E2F3: variants seen among roughly 807,000 people sequenced by gnomAD.
The protein encoded by E2F3 is transcription factor E2F3.
In E2F3, 11 loss-of-function variants were observed where a neutral mutation model predicts 44.4. The ratio of observed to expected loss-of-function variants is 0.25; its 90% CI spans 0.16 to 0.41. E2F3 has a LOEUF of 0.41. Ranked by LOEUF, E2F3 falls within the 10% of genes least tolerant of loss-of-function variation. E2F3 has a pLI of 1.00. For synonymous variants in E2F3, 249 were observed against 253.0 expected (o/e 0.98, Z 0.15); for missense variants, 487 against 583.6 (o/e 0.83, Z 1.70).
chr6:20,429,552 C>T (rs1324162021), intron 1 of E2F3, among the ~76,000 whole-genome samples: 2 of 152,070 alleles, frequency 1.3e-5, no homozygotes, highest in East Asian at 3.9e-4. Context: ...AATGTATCCT[C>T]GGAGGATGAG....
chr6:20,460,938 G>A (rs1761481450), intron 1 of E2F3, among the ~76,000 whole-genome samples: 1 of 125,090 alleles, frequency 8.0e-6, no homozygotes. Context: ...GGAAGTTCCA[G>A]TGAGCCGAGA....
At chr6:20,480,789 T>A (rs1443807106) in intron 2 of E2F3, among the ~76,000 whole-genome samples, 1 of 152,194 alleles carries the variant, frequency 6.6e-6, no homozygotes, top group Non-Finnish European at 1.5e-5. Context: ...TTTAAGACCT[T>A]GTCCTGCAGT....
chr6:20,413,485 C>T (rs1261640311), intron 1 of E2F3, among the ~76,000 whole-genome samples: 2 of 152,232 alleles, frequency 1.3e-5, no homozygotes, highest in African/African-American at 2.4e-5. Context: ...GGTTCCAAAA[C>T]TTGCAGACTC....
intron 1 of E2F3, among the ~76,000 whole-genome samples, chr6:20,461,308 A>G (rs1302458864): frequency 1.3e-5 from 2 of 152,126 alleles, no homozygotes; most frequent in South Asian, 2.1e-4. Flanking sequence ...CCTGGCTAAC[A>G]TGGTGAAACC....
intron 1 of E2F3, among the ~76,000 whole-genome samples, chr6:20,466,502 G>A (rs562822650): frequency 6.8e-4 from 104 of 152,288 alleles, no homozygotes; most frequent in Non-Finnish European, 2.4e-4. Flanking sequence ...CTGATCATTA[G>A]TGATGCTGAG....
chr6:20,449,491 T>C (rs1003523137), intron 1 of E2F3, among the ~76,000 whole-genome samples: 1 of 152,230 alleles, frequency 6.6e-6, no homozygotes, highest in Non-Finnish European at 1.5e-5. Context: ...GAAGTTGCAG[T>C]GAATAACCTT....
At position 20,486,688 on chromosome 6, in the gene E2F3, C is replaced by A; in HGVS notation, c.885-1C>A. 1 of 1,526,054 alleles carries A rather than the reference C, an allele frequency of 6.6e-7. No homozygotes were observed. The highest frequency in any genetic ancestry group is 9.0e-7 in the Non-Finnish European group (1 of 1,105,682). The allele number at this position is 1,526,054 out of a possible 1,614,324, so 94.5% of individuals were successfully genotyped here. A position where few individuals can be genotyped will look rare whatever the true frequency, so the allele number is the denominator to read the frequency against. ...ATGGAAGATTCCTTGACACTCTTTA[C>A]GTTAGCTTATGTTACATATCAAGAT... On this transcript the variant is annotated splice_acceptor_variant, in intron 4 of 6. Transcript: ENST00000346618. LOFTEE classifies it high-confidence loss of function.
In E2F3 at chr6:20,490,620, G is replaced by A. The variant is rs927517720; in HGVS notation, c.*190G>A. 3 of 537,424 alleles carry A rather than the reference G, an allele frequency of 5.6e-6. No individual in the cohort carries two copies. The highest frequency in any genetic ancestry group is 5.0e-5 in the South Asian group (1 of 19,888). 33.3% of individuals were successfully genotyped at this position (537,424 alleles called of 1,614,324 possible). On this transcript the variant is annotated 3_prime_UTR_variant, in exon 7 of 7. Transcript: ENST00000346618. This position sits in a 1 kb window ranked among gnomAD's most constrained non-coding sequence, Gnocchi z 4.3. ...AAATTAATAAACAAATTGTCTAAAC[G>A]CACAGTTGCAGGCTCCCTTGGGAAA...
At chr6:20,442,549 G>A (rs933801244) in intron 1 of E2F3, among the ~76,000 whole-genome samples, 3 of 152,194 alleles carry the variant, frequency 2.0e-5, no homozygotes, top group African/African-American at 7.2e-5. Context: ...AGAATTATTT[G>A]AAGTACTTTT....
chr6:20,481,177 C>T (rs765427245), intron 2 of E2F3, 29 bp from the exon 3 acceptor site: 13 of 1,606,912 alleles, frequency 8.1e-6, no homozygotes, highest in Admixed American at 1.7e-5. Flanking sequence ...CCCTATCCCC[C>T]ACCCGCTCGG....
At chr6:20,421,477 A>G (rs2127589935) in intron 1 of E2F3, 1 of 152,304 alleles carries the variant, frequency 6.6e-6, no homozygotes, top group East Asian at 1.9e-4. Context: ...TGAAAACATT[A>G]ATCTCCTTGT....
At position 20,479,605 on chromosome 6, in the gene E2F3, CTG is replaced by C. The variant is rs572768221; in HGVS notation, c.394-237_394-236del. Among the ~76,000 whole-genome samples the C allele has an allele frequency of 1.0e-3, 158 of 152,320 alleles. 1 individual carries two copies. Among genetic ancestry groups the C allele is most frequent in the African/African-American group, 3.6e-3 (149 of 41,582 alleles). On this transcript the variant is annotated intron_variant, in intron 1 of 6. Coordinates refer to ENST00000346618, the MANE Select transcript of E2F3 (RefSeq NM_001949.5). ...TCCTGAACCTAATGCTGAAGGATCGCTGTGTTTGTCCATCTGGGTGTGGACGG... is the reference window on the plus strand; with the variant it reads ...TCCTGAACCTAATGCTGAAGGATCGCTGTTTGTCCATCTGGGTGTGGACGG...
intron 1 of E2F3, among the ~76,000 whole-genome samples, chr6:20,438,414 C>T (rs1279644622): frequency 6.6e-6 from 1 of 152,162 alleles, no homozygotes; most frequent in Non-Finnish European, 1.5e-5. Flanking sequence ...CAATATCTCT[C>T]TTCAACTGGG....
At chr6:20,448,083 G>T (rs1761008283) in intron 1 of E2F3, among the ~76,000 whole-genome samples, 1 of 152,172 alleles carries the variant, frequency 6.6e-6, no homozygotes, top group African/African-American at 2.4e-5. Context: ...GATATGAAAG[G>T]TTTTTTACTT....
intron 1 of E2F3, among the ~76,000 whole-genome samples, chr6:20,403,497 T>A (rs2127581888): frequency 6.6e-6 from 1 of 151,872 alleles, no homozygotes; most frequent in African/African-American, 2.4e-5. Flanking sequence ...CGCCTGGGTC[T>A]GTCCCTCTCT....
At chr6:20,429,936 A>G (rs998594300) in intron 1 of E2F3, among the ~76,000 whole-genome samples, 5 of 152,034 alleles carry the variant, frequency 3.3e-5, no homozygotes, top group African/African-American at 1.2e-4. Context: ...TTTCCTTTCA[A>G]ATTGAACCAC....
intron 1 of E2F3, chr6:20,421,802 C>T (rs541516082): frequency 2.0e-5 from 3 of 152,418 alleles, no homozygotes; most frequent in South Asian, 2.1e-4. Context: ...TAGCGCACTA[C>T]AGCCCAGAAC....
chr6:20,481,447 G>C (rs4134938), intron 3 of E2F3, 22 bp downstream of exon 3: 317,107 of 1,609,964 alleles, frequency 0.2, 34,422 homozygotes, highest in Middle Eastern at 0.29. Flanking sequence ...TCCTCCCCAT[G>C]CCCCGGCTCT....
chr6:20,439,133 T>G (rs932085180), intron 1 of E2F3, among the ~76,000 whole-genome samples: 3 of 152,226 alleles, frequency 2.0e-5, no homozygotes, highest in African/African-American at 7.2e-5. Context: ...TGACCAAACA[T>G]TTTTCTACTA....
Sources: allele counts gnomAD v4.1 joint callset (sites outside exome capture counted in the v4.1 genomes callset), GRCh38; gene constraint gnomAD v4.1.1; non-coding constraint Gnocchi (gnomAD v3.1); transcripts MANE v1.5; gene names NCBI Gene and HGNC (gene_info 2026-07-23, HGNC 2026-07-21).